SLC22A12: variants seen among roughly 807,000 people sequenced by gnomAD.
SLC22A12 encodes the protein solute carrier family 22 member 12.
SLC22A12 carries 56 observed loss-of-function variants against 52.7 expected under a neutral mutation model. The ratio of observed to expected loss-of-function variants is 1.06; its 90% CI spans 0.86 to 1.33. The LOEUF is 1.33. Ranked by LOEUF, SLC22A12 falls within the 40% of genes most tolerant of loss-of-function variation. The probability of loss-of-function intolerance (pLI) is 0.00; values close to 1 mark genes in which losing one functional copy is unlikely to be tolerated. For synonymous variants in SLC22A12, 337 were observed against 324.6 expected (o/e 1.04, Z -0.41); for missense variants, 683 against 741.5 (o/e 0.92, Z 0.92).
Position 64,601,383 on chromosome 11 carries a change from G to A in SLC22A12, c.1599-105G>A, listed in dbSNP as rs532981755. The A allele has an allele frequency of 3.2e-4, 377 of 1,194,536 alleles. 2 individuals carry two copies. In the African/African-American group the frequency reaches 4.9e-3, roughly 15 times the overall value. The allele number at this position is 1,194,536 out of a possible 1,614,324, so 74.0% of individuals were successfully genotyped here. A position where few individuals can be genotyped will look rare whatever the true frequency, so the allele number is the denominator to read the frequency against. On this transcript the variant is annotated intron_variant, in intron 9 of 9. Coordinates refer to ENST00000377574, the MANE Select transcript of SLC22A12 (RefSeq NM_144585.4). The stretch of plus-strand genomic sequence containing the variant: ...CTCGGGAGCTCAGTTCTGGGCCCCC[G>A]AGAGCAGGGTGGTGGCATTCCCTGG...
intron 1 of SLC22A12, among the ~76,000 whole-genome samples, 153 bp from the exon 2 acceptor site, chr11:64,592,626 C>T (rs1257894767): frequency 6.6e-6 from 1 of 152,102 alleles, no homozygotes; most frequent in Non-Finnish European, 1.5e-5. Context: ...CTGTGGGTGC[C>T]CTCACTGTTC....
intron 4 of SLC22A12, among the ~76,000 whole-genome samples, chr11:64,595,293 GGATGGA>G: frequency 6.9e-5 from 1 of 14,556 alleles, no homozygotes; most frequent in Admixed American, 1.5e-3. Context: ...ATGGATGGTT[GGATGGA>G]TGGATGGATG....
At chr11:64,599,078 C>T (rs1359765261) in intron 6 of SLC22A12, among the ~76,000 whole-genome samples, 155 bp downstream of exon 6, 1 of 152,218 alleles carries the variant, frequency 6.6e-6, no homozygotes, top group African/African-American at 2.4e-5. Flanking sequence ...CAGGAGACAA[C>T]CCAGGCCGGG....
rs2039271899 is a variant in SLC22A12 at position 64,597,119 on chromosome 11, C to G, written c.831-1397C>G. ...GGGTATTGACATCTGAGAATGGGAC[C>G]CCGCTTTCTCCCTCCCAGTCACTTA... On this transcript the variant is annotated intron_variant, in intron 4 of 9. Coordinates refer to ENST00000377574, the MANE Select transcript of SLC22A12 (RefSeq NM_144585.4). Among the ~76,000 whole-genome samples the G allele has an allele frequency of 1.3e-5, 2 of 152,096 alleles. 1 individual carries two copies. Among genetic ancestry groups the G allele is most frequent in the Non-Finnish European group, 2.9e-5 (2 of 68,006 alleles).
chr11:64,596,028 ATGGATGGT>A (rs1287659154), intron 4 of SLC22A12, among the ~76,000 whole-genome samples: 16 of 142,312 alleles, frequency 1.1e-4, no homozygotes, highest in South Asian at 2.4e-4. Flanking sequence ...GATGGAATGG[ATGGATGGT>A]TGGAATAGAT....
In SLC22A12 at chr11:64,599,844, G is replaced by A; in HGVS notation, c.1239G>A (p.Leu413=). 1 of 1,612,820 alleles carries A rather than the reference G, an allele frequency of 6.2e-7. No homozygotes were observed. Among genetic ancestry groups the A allele is most frequent in the South Asian group, 1.1e-5 (1 of 91,062 alleles). ...GCCGCCCCACGCTGGCCGCATCCCTGTTGCTGGCAGGGCTCTGCATTCTGG... is the reference window on the plus strand; with the variant it reads ...GCCGCCCCACGCTGGCCGCATCCCTATTGCTGGCAGGGCTCTGCATTCTGG... ...LGRRPTLAAS[L]LLAGLCILAN... is the part of the protein sequence containing the mutation. Residue 413 remains leucine, a synonymous_variant, in exon 7 of 10, where the codon CTG becomes CTA. Transcript: ENST00000377574.
chr11:64,600,406 T>C lies in SLC22A12; in HGVS notation c.1325T>C (p.Leu442Pro), dbSNP rs766264373. 6.2e-7 allele frequency: 1 copy of C among 1,607,408 alleles called. No homozygotes were observed. The highest frequency in any genetic ancestry group is 8.5e-7 in the Non-Finnish European group (1 of 1,179,090). ...CGCTCAGCCTTGGCCGTGCTGGGGC[T>C]GGGCGGGGTGGGGGCTGCCTTCACC... The part of the protein sequence containing the change: ...ALRSALAVLG[L>P]GGVGAAFTCI... Residue 442 changes from leucine to proline, a missense_variant, in exon 8 of 10, where the codon CTG (leucine) becomes CCG (proline). Physicochemically the swap from Leu to Pro is moderately conservative, Grantham distance 98. Coordinates refer to ENST00000377574, the MANE Select transcript of SLC22A12 (RefSeq NM_144585.4).
At chr11:64,597,901 C>T (rs959634126) in intron 4 of SLC22A12, among the ~76,000 whole-genome samples, 3 of 152,280 alleles carry the variant, frequency 2.0e-5, no homozygotes, top group African/African-American at 4.8e-5. Flanking sequence ...ATAGCAGAGA[C>T]TCAGGTGCGA....
intron 4 of SLC22A12, among the ~76,000 whole-genome samples, chr11:64,597,162 C>T (rs1227178361): frequency 6.6e-6 from 1 of 152,142 alleles, no homozygotes; most frequent in South Asian, 2.1e-4. Flanking sequence ...TTCCAGTCAG[C>T]TTTCTCCCTC....
chr11:64,594,522 G>GTAGA (rs1157404547), intron 4 of SLC22A12, among the ~76,000 whole-genome samples: 1 of 117,868 alleles, frequency 8.5e-6, no homozygotes, highest in Admixed American at 8.5e-5. Flanking sequence ...AGGTAGGTAG[G>GTAGA]TAGATAGATA....
At chr11:64,600,003 G>A in intron 7 of SLC22A12, 113 bp downstream of exon 7, 1 of 1,311,954 alleles carries the variant, frequency 7.6e-7, no homozygotes, top group Non-Finnish European at 1.1e-6. Context: ...TGGTAGGAAG[G>A]AGGCTGCCGG....
intron 4 of SLC22A12, among the ~76,000 whole-genome samples, chr11:64,595,731 CGGATGGATGGATGGTTGGAATAGAT>C (rs2039157585): frequency 1.3e-5 from 1 of 74,172 alleles, no homozygotes; most frequent in Non-Finnish European, 2.6e-5. Context: ...TTGGAATAGA[CGGATGGATGGATGGTTGGAATAGAT>C]GGATGGATGG....
chr11:64,592,873 C>A lies in SLC22A12; in HGVS notation c.497C>A (p.Ala166Asp). The part of the protein sequence containing the change: ...ILVGAAACGP[A>D]SDRFGRRLVL... The stretch of plus-strand genomic sequence containing the variant: ...GTGGGAGCTGCTGCGTGCGGCCCTG[C>A]CTCAGACAGGTGAGTACCCCCAGTC... Residue 166 changes from alanine (A) to aspartate (D), a missense_variant, in exon 2 of 10, where the codon GCC becomes GAC. Ala to Asp is a moderately radical substitution (Grantham distance 126, BLOSUM62 -2). Coordinates refer to ENST00000377574, the MANE Select transcript of SLC22A12 (RefSeq NM_144585.4). The A allele has an allele frequency of 6.2e-7, 1 of 1,613,562 alleles. No homozygotes were observed. Among genetic ancestry groups the A allele is most frequent in the Non-Finnish European group, 8.5e-7 (1 of 1,179,916 alleles).
At position 64,601,651 on chromosome 11, in the gene SLC22A12, A is replaced by T; in HGVS notation, c.*100A>T. 7.3e-7 allele frequency: 1 copy of T among 1,367,092 alleles called. No individual in the cohort carries two copies. 84.7% of individuals were successfully genotyped at this position (1,367,092 alleles called of 1,614,324 possible). ...CAAAGACCTCCATTTCCAGAGGCCC[A>T]GAGGCTGCCCTCTGAGGTCCCCACT... On this transcript the variant is annotated 3_prime_UTR_variant, in exon 10 of 10. Coordinates refer to ENST00000377574, the MANE Select transcript of SLC22A12 (RefSeq NM_144585.4).
At chr11:64,594,987 GTGGATGGA>G (rs796748895) in intron 4 of SLC22A12, among the ~76,000 whole-genome samples, 14 of 54,546 alleles carry the variant, frequency 2.6e-4, no homozygotes, top group African/African-American at 1.8e-3. Flanking sequence ...GGATGGATGG[GTGGATGGA>G]TGGATGGATG....
intron 1 of SLC22A12, 110 bp downstream of exon 1, chr11:64,592,068 C>A: frequency 1.3e-6 from 2 of 1,484,886 alleles, no homozygotes; most frequent in South Asian, 2.5e-5. Context: ...CCTCCCCAGG[C>A]CCCACTCACT....
chr11:64,597,113 T>C (rs562192421), intron 4 of SLC22A12, among the ~76,000 whole-genome samples: 4 of 152,254 alleles, frequency 2.6e-5, no homozygotes, highest in Admixed American at 6.5e-5. Flanking sequence ...CATCTGAGAA[T>C]GGGACCCCGC....
intron 7 of SLC22A12, 54 bp from the exon 8 acceptor site, chr11:64,600,313 C>T: frequency 1.5e-6 from 2 of 1,374,560 alleles, no homozygotes; most frequent in South Asian, 1.2e-5. Flanking sequence ...GAAGGGAGCC[C>T]TCATCTGATC....
intron 4 of SLC22A12, among the ~76,000 whole-genome samples, chr11:64,595,703 G>A (rs1591394253): frequency 6.7e-6 from 1 of 149,636 alleles, no homozygotes; most frequent in East Asian, 2.0e-4. Flanking sequence ...TGGAATAGAT[G>A]GATGGATGGA....
Sources: gnomAD v4.1 joint callset for allele counts (sites outside exome capture counted in the v4.1 genomes callset) on GRCh38, gnomAD v4.1.1 for gene constraint, MANE v1.5 for transcripts, NCBI Gene and HGNC (gene_info 2026-07-23, HGNC 2026-07-21) for gene names.